Variants in CDH2 observed in about 807,000 individuals in gnomAD.
CDH2 encodes cadherin 2.
In CDH2, 17 loss-of-function variants were observed where a neutral mutation model predicts 92.0. That is an observed-to-expected ratio of 0.18 (90% CI 0.13 to 0.28). The LOEUF (loss-of-function observed/expected upper bound fraction) is 0.28, where lower values mean the gene tolerates loss of function less well. CDH2 is among the 10% of genes least tolerant of loss of function. CDH2 has a pLI of 1.00. For synonymous variants in CDH2, 419 were observed against 415.9 expected (o/e 1.01, Z -0.09); for missense variants, 862 against 1,133.1 (o/e 0.76, Z 3.44).
chr18:27,991,917 G>A (rs747579827), intron 9 of CDH2, among the ~76,000 whole-genome samples: 5 of 152,154 alleles, frequency 3.3e-5, no homozygotes, highest in Non-Finnish European at 5.9e-5. Context: ...TAAAAGGAAG[G>A]GATGTTCACT....
At chr18:28,098,137 T>C (rs2015166831) in intron 2 of CDH2, among the ~76,000 whole-genome samples, 1 of 152,180 alleles carries the variant, frequency 6.6e-6, no homozygotes, top group African/African-American at 2.4e-5. Flanking sequence ...GTAAATGGTC[T>C]ATAAAAGAGC....
chr18:28,162,784 C>G (rs1045208103), intron 1 of CDH2, among the ~76,000 whole-genome samples: 3 of 152,146 alleles, frequency 2.0e-5, no homozygotes, highest in Non-Finnish European at 4.4e-5. Context: ...CAACAGTGTG[C>G]CTTCAGGTGA....
intron 2 of CDH2, among the ~76,000 whole-genome samples, chr18:28,065,645 G>A (rs1237770914): frequency 6.6e-6 from 1 of 152,066 alleles, no homozygotes; most frequent in East Asian, 1.9e-4. Context: ...TTGGTTTCTT[G>A]TTTGCCCAGA....
chr18:27,995,984 C>T (rs2012568251), intron 7 of CDH2, among the ~76,000 whole-genome samples: 1 of 152,176 alleles, frequency 6.6e-6, no homozygotes, highest in South Asian at 2.1e-4. Flanking sequence ...GAATGACTGA[C>T]ATTTAGATTC....
At chr18:28,091,178 GT>G (rs2015030311) in intron 2 of CDH2, among the ~76,000 whole-genome samples, 1 of 152,110 alleles carries the variant, frequency 6.6e-6, no homozygotes, top group Non-Finnish European at 1.5e-5. Flanking sequence ...ATTGCAAAAA[GT>G]TTTGTTTTGT....
intron 6 of CDH2, 104 bp downstream of exon 6, chr18:28,005,745 A>G: frequency 2.9e-6 from 2 of 690,180 alleles, no homozygotes; most frequent in Non-Finnish European, 4.5e-6. Context: ...AAAGAAAAGG[A>G]TCCAAAAAGC....
intron 8 of CDH2, among the ~76,000 whole-genome samples, chr18:27,993,068 A>G (rs2012473423): frequency 6.6e-6 from 1 of 152,200 alleles, no homozygotes; most frequent in South Asian, 2.1e-4. Context: ...AGTTTCATTA[A>G]TATTAAAATC....
At chr18:27,955,529 T>A (rs1049011192) in intron 15 of CDH2, among the ~76,000 whole-genome samples, 1 of 151,608 alleles carries the variant, frequency 6.6e-6, no homozygotes, top group Non-Finnish European at 1.5e-5. Flanking sequence ...GTCCAGGGAA[T>A]AAACACAAGA....
chr18:28,006,092 C>G, intron 5 of CDH2, 99 bp from the exon 6 acceptor site: 1 of 969,286 alleles, frequency 1.0e-6, no homozygotes, highest in Non-Finnish European at 1.5e-6. Context: ...AATAAACTCA[C>G]AGCTGAAAAA....
intron 2 of CDH2, among the ~76,000 whole-genome samples, chr18:28,069,790 T>A (rs2014580767): frequency 6.6e-6 from 1 of 152,038 alleles, no homozygotes; most frequent in Non-Finnish European, 1.5e-5. Context: ...TGAGCTGCAT[T>A]CAGAGCTGAC....
chr18:27,941,819 T>C (rs906619076), intron 6 of CDH2, among the ~76,000 whole-genome samples: 10 of 152,198 alleles, frequency 6.6e-5, no homozygotes, highest in African/African-American at 2.2e-4. Flanking sequence ...TTGATCTCTT[T>C]AGGATCTATC....
intron 2 of CDH2, among the ~76,000 whole-genome samples, chr18:28,099,836 A>C (rs964424687): frequency 1.3e-5 from 2 of 152,196 alleles, no homozygotes; most frequent in African/African-American, 4.8e-5. Context: ...CTTACTTTCA[A>C]AGGTAGGTAT....
intron 13 of CDH2, 65 bp downstream of exon 13, chr18:27,984,935 A>G (rs1230418836): frequency 7.7e-7 from 1 of 1,301,300 alleles, no homozygotes; most frequent in Non-Finnish European, 1.1e-6. Flanking sequence ...ATAGCAACAC[A>G]TGACTTTGCT....
chr18:28,004,668 T>C (rs2012864632), intron 6 of CDH2, among the ~76,000 whole-genome samples: 1 of 152,202 alleles, frequency 6.6e-6, no homozygotes, highest in African/African-American at 2.4e-5. Context: ...CAATGTTTGT[T>C]TTCTTTGGAA....
chr18:28,004,578 T>G (rs2012860352), intron 6 of CDH2, among the ~76,000 whole-genome samples: 3 of 152,010 alleles, frequency 2.0e-5, no homozygotes, highest in Non-Finnish European at 4.4e-5. Flanking sequence ...ACAATTTTTG[T>G]GAAACTATTC....
At chr18:28,047,979 G>A (rs2014115034) in intron 2 of CDH2, among the ~76,000 whole-genome samples, 1 of 151,966 alleles carries the variant, frequency 6.6e-6, no homozygotes, top group Non-Finnish European at 1.5e-5. Context: ...TAAAAGGGAG[G>A]GGAGCTACAG....
chr18:28,009,972 T>G (rs1035515898), intron 4 of CDH2, 100 bp from the exon 5 acceptor site: 1 of 833,332 alleles, frequency 1.2e-6, no homozygotes, highest in Non-Finnish European at 1.7e-6. Flanking sequence ...AGCTACAAAC[T>G]TATACCATCT....
At chr18:28,086,791 TCAGA>T (rs2014938817) in intron 2 of CDH2, among the ~76,000 whole-genome samples, 1 of 152,184 alleles carries the variant, frequency 6.6e-6, no homozygotes. Flanking sequence ...TTCTTTTGTA[TCAGA>T]CAAAAGATGG....
chr18:27,996,513 C>T (rs536402534), intron 7 of CDH2, among the ~76,000 whole-genome samples: 26 of 152,280 alleles, frequency 1.7e-4, no homozygotes, highest in East Asian at 9.7e-4. Flanking sequence ...ACTTTGGAGA[C>T]GACTTCTGAA....
Sources: gnomAD v4.1 joint callset for allele counts (sites outside exome capture counted in the v4.1 genomes callset) on GRCh38, gnomAD v4.1.1 for gene constraint, MANE v1.5 for transcripts, NCBI Gene and HGNC (gene_info 2026-07-23, HGNC 2026-07-21) for gene names.